CLIC5: variants seen among roughly 807,000 people sequenced by gnomAD.
The protein encoded by CLIC5 is chloride intracellular channel protein 5.
CLIC5 carries 20 observed loss-of-function variants against 24.7 expected under a neutral mutation model. The observed-to-expected ratio is 0.81, with a 90% confidence interval of 0.57 to 1.18. The LOEUF is 1.18. Ranked by LOEUF, CLIC5 falls within the 50% of genes most tolerant of loss-of-function variation. The pLI, the probability that CLIC5 is intolerant of heterozygous loss-of-function variation, is 0.00. For synonymous variants in CLIC5, 159 were observed against 135.6 expected (o/e 1.17, Z -1.20); for missense variants, 341 against 326.1 (o/e 1.05, Z -0.35).
chr6:46,107,530 T>C, the CLIC5 span, among the ~76,000 whole-genome samples: 1 of 152,212 alleles, frequency 6.6e-6, no homozygotes, highest in Non-Finnish European at 1.5e-5. Context: ...AACATTGTGA[T>C]TAATATGTGT....
At chr6:45,977,586 AC>A (rs1765426861) in intron 1 of CLIC5, among the ~76,000 whole-genome samples, 1 of 151,896 alleles carries the variant, frequency 6.6e-6, no homozygotes, top group Admixed American at 6.6e-5. Context: ...CCTCTCAGGG[AC>A]CCTTTCTTTT....
intron 1 of CLIC5, among the ~76,000 whole-genome samples, chr6:45,999,686 C>A (rs1220716050): frequency 1.3e-5 from 2 of 151,958 alleles, no homozygotes; most frequent in African/African-American, 4.8e-5. Flanking sequence ...CTTATGATGA[C>A]CCACTCCCAC....
At chr6:46,026,312 C>T (rs1376649982) in intron 1 of CLIC5, among the ~76,000 whole-genome samples, 1 of 152,124 alleles carries the variant, frequency 6.6e-6, no homozygotes, top group Non-Finnish European at 1.5e-5. Flanking sequence ...TTTTCTGTTT[C>T]CATATACATC....
intron 6 of CLIC5, among the ~76,000 whole-genome samples, chr6:45,890,292 G>A (rs1762337626): frequency 6.6e-6 from 1 of 151,852 alleles, no homozygotes; most frequent in Non-Finnish European, 1.5e-5. Flanking sequence ...CATACCAATG[G>A]CCAACAGATA....
intron 4 of CLIC5, among the ~76,000 whole-genome samples, chr6:45,931,850 T>G (rs1255345965): frequency 6.6e-6 from 1 of 152,088 alleles, no homozygotes; most frequent in Non-Finnish European, 1.5e-5. Context: ...TAGTAGAGAC[T>G]GGGTTTTGCC....
chr6:45,887,793 A>G (rs543518326), intron 6 of CLIC5, among the ~76,000 whole-genome samples: 47 of 152,332 alleles, frequency 3.1e-4, no homozygotes, highest in African/African-American at 1.1e-3. Context: ...ATACACTCAC[A>G]TGTAATAAAA....
intron 1 of CLIC5, among the ~76,000 whole-genome samples, chr6:46,060,407 T>A (rs560534551): frequency 1.3e-5 from 2 of 152,244 alleles, no homozygotes; most frequent in South Asian, 4.1e-4. Context: ...GTAAAAACAA[T>A]CTCTGTGAAA....
intron 1 of CLIC5, among the ~76,000 whole-genome samples, chr6:46,051,622 T>C (rs2127465506): frequency 6.6e-6 from 1 of 152,334 alleles, no homozygotes. Flanking sequence ...GGTTAGAGAA[T>C]GCTCAAATGT....
chr6:46,010,109 C>T (rs1230173007), intron 1 of CLIC5, among the ~76,000 whole-genome samples: 1 of 152,166 alleles, frequency 6.6e-6, no homozygotes, highest in Non-Finnish European at 1.5e-5. Context: ...TCTTCCAGTT[C>T]CCTGAATGAC....
At chr6:45,884,888 G>A (rs1762291830) in intron 6 of CLIC5, among the ~76,000 whole-genome samples, 1 of 146,224 alleles carries the variant, frequency 6.8e-6, no homozygotes, top group Non-Finnish European at 1.5e-5. Context: ...TCTGTCCGGA[G>A]GTTAATAATG....
chr6:46,027,169 T>A (rs577624505), intron 1 of CLIC5, among the ~76,000 whole-genome samples: 11 of 152,250 alleles, frequency 7.2e-5, no homozygotes, highest in African/African-American at 2.4e-4. Flanking sequence ...ATGTACAATA[T>A]TAAATTATGA....
the CLIC5 span, chr6:46,129,438 G>C: frequency 1.3e-5 from 2 of 152,232 alleles, no homozygotes; most frequent in Non-Finnish European, 2.9e-5. Context: ...TTTCTCAGCT[G>C]TAACTCATTA....
exon 1 of CLIC5, chr6:46,080,037 G>A (rs1169278795): frequency 6.4e-7 from 1 of 1,551,644 alleles, no homozygotes; most frequent in Non-Finnish European, 8.7e-7. Flanking sequence ...GGCCAAGCTG[G>A]TCTCTTCACC....
intron 3 of CLIC5, among the ~76,000 whole-genome samples, chr6:45,946,712 A>G (rs921581083): frequency 3.9e-4 from 59 of 152,106 alleles, no homozygotes; most frequent in African/African-American, 1.3e-3. Context: ...GCAGGTCTCT[A>G]TGGGGCTGAG....
At chr6:45,925,881 G>A (rs1276886403) in intron 4 of CLIC5, among the ~76,000 whole-genome samples, 2 of 152,122 alleles carry the variant, frequency 1.3e-5, no homozygotes, top group African/African-American at 4.8e-5. Flanking sequence ...CAGAGTCCCA[G>A]CCACTTTGTT....
chr6:45,949,460 T>A, intron 2 of CLIC5, 79 bp from the exon 3 acceptor site: 2 of 1,483,066 alleles, frequency 1.3e-6, no homozygotes, highest in Non-Finnish European at 1.8e-6. Context: ...TGATTGTAAC[T>A]TAGATGCCCT....
chr6:46,063,276 A>G (rs1373205774), intron 1 of CLIC5, among the ~76,000 whole-genome samples: 1 of 152,230 alleles, frequency 6.6e-6, no homozygotes, highest in Non-Finnish European at 1.5e-5. Context: ...GCAACTCAAG[A>G]TAAATGGAGA....
Position 45,919,066 on chromosome 6 carries a change from C to G in CLIC5, c.407-4657G>C, listed in dbSNP as rs534410349. 1.7e-4 allele frequency: 163 copies of G among 985,438 alleles called. No individual in the cohort carries two copies. The African/African-American group carries it at 2.8e-3, about 17-fold the overall frequency. The allele number at this position is 985,438 out of a possible 1,614,324, so 61.0% of individuals were successfully genotyped here. On this transcript the variant is annotated intron_variant, in intron 4 of 5. Coordinates refer to ENST00000339561, the MANE Select transcript of CLIC5 (RefSeq NM_016929.5). Reference sequence around the variant, plus strand: ...TATGGTCTTCCTTACAAGCTCCTAACCTCTGGGTGGTGGAAAAACAACAAC... The same window carrying G: ...TATGGTCTTCCTTACAAGCTCCTAAGCTCTGGGTGGTGGAAAAACAACAAC...
At chr6:46,001,414 ACC>A (rs1766353687) in intron 1 of CLIC5, among the ~76,000 whole-genome samples, 2 of 152,192 alleles carry the variant, frequency 1.3e-5, no homozygotes, top group Non-Finnish European at 2.9e-5. Context: ...CTTGAACTGA[ACC>A]CCAACTTCTT....
Sources: gnomAD v4.1 joint callset for allele counts (sites outside exome capture counted in the v4.1 genomes callset) on GRCh38, gnomAD v4.1.1 for gene constraint, MANE v1.5 for transcripts, NCBI Gene and HGNC (gene_info 2026-07-23, HGNC 2026-07-21) for gene names.